The following RNLS variants were observed in gnomAD, a reference collection of about 807,000 sequenced individuals.
RNLS encodes renalase.
RNLS carries 39 observed loss-of-function variants against 39.8 expected under a neutral mutation model. The observed-to-expected ratio is 0.98, with a 90% CI of 0.76 to 1.28. RNLS has a LOEUF of 1.28. RNLS is among the 50% of genes most tolerant of loss of function. RNLS has a pLI of 0.00. For missense variants in RNLS, 410 were observed against 413.3 expected, an observed-to-expected ratio of 0.99 and a Z score of 0.07; for synonymous variants, 147 against 150.7, an observed-to-expected ratio of 0.98 and a Z score of 0.18.
chr10:88,188,110 G>A, the RNLS span, among the ~76,000 whole-genome samples: 2 of 152,060 alleles, frequency 1.3e-5, no homozygotes, highest in African/African-American at 4.8e-5. Context: ...AGGCTGGACT[G>A]CAGTGGTGCA....
At position 88,461,567 on chromosome 10, in the gene RNLS, AG is replaced by A. The variant is rs1842935478; in HGVS notation, c.527-98843del. 2.0e-5 allele frequency among the ~76,000 whole-genome samples: 3 copies of A among 152,082 alleles called. No individual in the cohort carries two copies. The South Asian group carries it at 6.2e-4, about 31-fold the overall frequency. Reference sequence around the variant, plus strand: ...CACAACACCATCTTTTGCCTCTATCAGGGTTTATCTATCTTGTGGAATAGTC... The same window carrying A: ...CACAACACCATCTTTTGCCTCTATCAGGTTTATCTATCTTGTGGAATAGTC... On this transcript the variant is annotated intron_variant, in intron 4 of 6. Coordinates refer to ENST00000331772, the MANE Select transcript of RNLS (RefSeq NM_001031709.3).
At chr10:88,285,750 ATAAGG>A (rs1843221078) in intron 6 of RNLS, among the ~76,000 whole-genome samples, 1 of 152,112 alleles carries the variant, frequency 6.6e-6, no homozygotes, top group Non-Finnish European at 1.5e-5. Context: ...CAGTTATTAG[ATAAGG>A]TAATCAGAAG....
rs540338085 is a variant in RNLS at position 88,509,615 on chromosome 10, T to A, written c.526+63288A>T. On this transcript the variant is annotated intron_variant, in intron 4 of 6. Transcript: ENST00000331772. Reference sequence around the variant, plus strand: ...AATGCCACAAAATGGTTAAGTTGAATCTTTAAGAACATTAGCTTAAAAAAT... The same window carrying A: ...AATGCCACAAAATGGTTAAGTTGAAACTTTAAGAACATTAGCTTAAAAAAT... Among the ~76,000 whole-genome samples the A allele has an allele frequency of 4.6e-5, 7 of 151,702 alleles. 1 individual carries two copies. Among genetic ancestry groups the A allele is most frequent in the African/African-American group, 9.7e-5 (4 of 41,334 alleles).
At chr10:88,257,405 A>G in the RNLS span, among the ~76,000 whole-genome samples, 2 of 152,152 alleles carry the variant, frequency 1.3e-5, no homozygotes, top group African/African-American at 2.4e-5. Context: ...TATTGGCTTT[A>G]CTCCCAATTT....
chr10:88,320,982 A>G (rs1283445633), intron 5 of RNLS, among the ~76,000 whole-genome samples: 1 of 151,440 alleles, frequency 6.6e-6, no homozygotes, highest in Admixed American at 6.6e-5. Flanking sequence ...TGCATCCAAC[A>G]ACCACAGAAT....
At chr10:88,560,080 G>T (rs1159933808) in intron 4 of RNLS, among the ~76,000 whole-genome samples, 2 of 151,972 alleles carry the variant, frequency 1.3e-5, no homozygotes, top group Non-Finnish European at 2.9e-5. Context: ...CTTTGTGTTG[G>T]TTACATTATA....
chr10:88,371,681 G>T (rs1422577380), intron 4 of RNLS, among the ~76,000 whole-genome samples: 1 of 152,126 alleles, frequency 6.6e-6, no homozygotes, highest in East Asian at 1.9e-4. Flanking sequence ...GGGCACCAAA[G>T]AAGTGGCTTT....
chr10:88,540,574 G>A (rs1453996778), intron 4 of RNLS, among the ~76,000 whole-genome samples: 1 of 152,116 alleles, frequency 6.6e-6, no homozygotes, highest in Non-Finnish European at 1.5e-5. Context: ...AGTGAAGTAG[G>A]TGTGTATCAC....
the RNLS span, among the ~76,000 whole-genome samples, chr10:88,261,741 A>G: frequency 2.0e-5 from 3 of 152,314 alleles, no homozygotes; most frequent in East Asian, 5.8e-4. Flanking sequence ...CCTAGTGCCC[A>G]CATATTAGAT....
chr10:88,486,179 T>G (rs1191393440), intron 4 of RNLS, among the ~76,000 whole-genome samples: 1 of 152,048 alleles, frequency 6.6e-6, no homozygotes, highest in African/African-American at 2.4e-5. Flanking sequence ...TGCAGAAAAT[T>G]GAAACTGGGC....
At chr10:88,412,770 TC>T (rs1198052016) in intron 4 of RNLS, among the ~76,000 whole-genome samples, 1 of 152,142 alleles carries the variant, frequency 6.6e-6, no homozygotes, top group East Asian at 1.9e-4. Flanking sequence ...TTCTGTAGCT[TC>T]CCAATTGCTT....
chr10:88,577,713 G>C (rs1360594484), intron 3 of RNLS, among the ~76,000 whole-genome samples: 1 of 152,206 alleles, frequency 6.6e-6, no homozygotes, highest in African/African-American at 2.4e-5. Flanking sequence ...AAGGCAGGCA[G>C]TCAGTGAAAT....
intron 4 of RNLS, among the ~76,000 whole-genome samples, chr10:88,518,837 T>C (rs1051867067): frequency 6.6e-6 from 1 of 151,978 alleles, no homozygotes; most frequent in Non-Finnish European, 1.5e-5. Flanking sequence ...ACAGCCTCCA[T>C]TAGACAGCTG....
At chr10:88,533,206 T>C (rs1425697304) in intron 4 of RNLS, among the ~76,000 whole-genome samples, 1 of 152,174 alleles carries the variant, frequency 6.6e-6, no homozygotes, top group Non-Finnish European at 1.5e-5. Flanking sequence ...AATTCTCTTA[T>C]TCTTATTTAT....
chr10:88,434,604 T>C (rs1387235468), intron 4 of RNLS, among the ~76,000 whole-genome samples: 1 of 152,222 alleles, frequency 6.6e-6, no homozygotes, highest in Non-Finnish European at 1.5e-5. Context: ...CATGGTATTA[T>C]ACCTTACAGG....
At chr10:88,258,632 TCTC>T in the RNLS span, among the ~76,000 whole-genome samples, 1 of 152,196 alleles carries the variant, frequency 6.6e-6, no homozygotes, top group South Asian at 2.1e-4. Flanking sequence ...CATTCCTTCT[TCTC>T]TTTTACCAAC....
chr10:88,257,146 A>G, the RNLS span, among the ~76,000 whole-genome samples: 3 of 152,158 alleles, frequency 2.0e-5, no homozygotes, highest in African/African-American at 7.2e-5. Context: ...CCCACGTTCA[A>G]AATCAGTTCT....
At chr10:88,218,013 C>T in the RNLS span, among the ~76,000 whole-genome samples, 1 of 152,174 alleles carries the variant, frequency 6.6e-6, no homozygotes. Flanking sequence ...GCACTCCAGC[C>T]TGGGCAACAA....
chr10:88,234,040 G>A, the RNLS span, among the ~76,000 whole-genome samples: 168 of 147,086 alleles, frequency 1.1e-3, no homozygotes, highest in Admixed American at 4.0e-3. Flanking sequence ...TCTTGTGAGC[G>A]CATCCCACAG....
Sources: gnomAD v4.1 joint callset for allele counts (sites outside exome capture counted in the v4.1 genomes callset) on GRCh38, gnomAD v4.1.1 for gene constraint, MANE v1.5 for transcripts, NCBI Gene and HGNC (gene_info 2026-07-23, HGNC 2026-07-21) for gene names.